The following OXR1 variants were observed in gnomAD, a reference collection of about 807,000 sequenced individuals.
OXR1 encodes the protein oxidation resistance 1.
OXR1 carries 41 observed loss-of-function variants against 104.6 expected under a neutral mutation model. That is an observed-to-expected ratio of 0.39 (90% CI 0.31 to 0.51). OXR1 has a LOEUF of 0.51. Among genes scored for constraint, OXR1 ranks in the 20% least tolerant of loss-of-function variants. OXR1 has a pLI of 0.77. For synonymous variants in OXR1, 348 were observed against 348.4 expected, an observed-to-expected ratio of 1.00 and a Z score of 0.01; for missense variants, 955 against 1,031.9, an observed-to-expected ratio of 0.93 and a Z score of 1.02.
chr8:106,408,455 G>T (rs1250995243), intron 2 of OXR1, among the ~76,000 whole-genome samples: 1 of 152,016 alleles, frequency 6.6e-6, no homozygotes, highest in African/African-American at 2.4e-5. Context: ...ACTTTGTAAG[G>T]ATTTAGATGC....
intron 11 of OXR1, among the ~76,000 whole-genome samples, chr8:106,714,980 G>A (rs1053583819): frequency 3.9e-5 from 6 of 151,960 alleles, no homozygotes; most frequent in African/African-American, 1.5e-4. Flanking sequence ...AGAACATATC[G>A]ACCATGTATT....
intron 11 of OXR1, among the ~76,000 whole-genome samples, chr8:106,716,308 A>G (rs973840727): frequency 6.6e-6 from 1 of 152,210 alleles, no homozygotes; most frequent in African/African-American, 2.4e-5. Flanking sequence ...GCCAATCTCA[A>G]TTGAAATGAG....
intron 3 of OXR1, among the ~76,000 whole-genome samples, chr8:106,666,450 A>G (rs1826343528): frequency 6.6e-6 from 1 of 152,210 alleles, no homozygotes; most frequent in South Asian, 2.1e-4. Context: ...TGTTAAAGGA[A>G]AAATTATTTG....
intron 2 of OXR1, among the ~76,000 whole-genome samples, chr8:106,499,902 A>G (rs1811670564): frequency 6.6e-6 from 1 of 152,198 alleles, no homozygotes; most frequent in Non-Finnish European, 1.5e-5. Flanking sequence ...ATTGCAAATC[A>G]TTGCCTGAAT....
chr8:106,528,652 C>A (rs1353230052), intron 3 of OXR1, among the ~76,000 whole-genome samples: 1 of 152,128 alleles, frequency 6.6e-6, no homozygotes, highest in African/African-American at 2.4e-5. Context: ...ATAACTTGTA[C>A]GCCTCTCATT....
chr8:106,461,509 G>A (rs1820917412), intron 2 of OXR1, among the ~76,000 whole-genome samples: 1 of 152,104 alleles, frequency 6.6e-6, no homozygotes, highest in Non-Finnish European at 1.5e-5. Flanking sequence ...AGGTTACAGT[G>A]AGCAGAGATC....
chr8:106,747,477 A>G lies in OXR1; in HGVS notation c.2486+1615A>G, dbSNP rs533445046. On this transcript the variant is annotated intron_variant, in intron 16 of 16. Transcript: ENST00000517566. ...AGTATCATTGGCTGCATGAGCTATAAGACATTAATTAAAGATTTAGAAGAC... is the reference window on the plus strand; with the variant it reads ...AGTATCATTGGCTGCATGAGCTATAGGACATTAATTAAAGATTTAGAAGAC... Among the ~76,000 whole-genome samples, 27 of 152,320 alleles carry G rather than the reference A, an allele frequency of 1.8e-4. No individual in the cohort carries two copies. The East Asian group carries it at 5.2e-3, about 29-fold the overall frequency.
chr8:106,346,963 A>C (rs1815512050), intron 1 of OXR1, among the ~76,000 whole-genome samples: 2 of 152,250 alleles, frequency 1.3e-5, no homozygotes, highest in Non-Finnish European at 2.9e-5. Context: ...GAATGGCGTG[A>C]ACCCAGGAGG....
chr8:106,369,566 AT>A (rs1198019926), intron 2 of OXR1, among the ~76,000 whole-genome samples: 3 of 152,170 alleles, frequency 2.0e-5, no homozygotes, highest in South Asian at 2.1e-4. Context: ...TCTTGAGTTA[AT>A]TTTTTTATAA....
chr8:106,710,746 G>C lies in OXR1; in HGVS notation c.1749G>C (p.Gln583His). The change falls in exon 10 of 17, where the codon CAG becomes CAC. Residue 583 changes from glutamine to histidine, a missense_variant. Coordinates refer to ENST00000517566, the MANE Select transcript of OXR1 (RefSeq NM_001198533.2). ...GTGCTACAATGCAACAGTATGCACA[G>C]AGAGATAAGAAACATGAATATTGGT... is the stretch of plus-strand genomic sequence containing the variant. ...QASATMQQYAQRDKKHEYWFA... is the reference protein window; with the variant it reads ...QASATMQQYAHRDKKHEYWFA... 4 of 1,569,172 alleles carry C rather than the reference G, an allele frequency of 2.5e-6. No individual in the cohort carries two copies. Among genetic ancestry groups the C allele is most frequent in the South Asian group, 1.2e-5 (1 of 83,298 alleles).
intron 3 of OXR1, among the ~76,000 whole-genome samples, chr8:106,535,049 G>A (rs1299598426): frequency 2.0e-5 from 3 of 151,954 alleles, no homozygotes; most frequent in Non-Finnish European, 2.9e-5. Context: ...TGCAAGCTCC[G>A]CCTCCCGGGT....
At chr8:106,630,403 A>G (rs932983530) in intron 3 of OXR1, among the ~76,000 whole-genome samples, 2 of 152,222 alleles carry the variant, frequency 1.3e-5, no homozygotes, top group Non-Finnish European at 2.9e-5. Flanking sequence ...GGAATGGTAA[A>G]GGTCATGCGT....
At chr8:106,417,589 A>G (rs952838306) in intron 2 of OXR1, among the ~76,000 whole-genome samples, 3 of 152,174 alleles carry the variant, frequency 2.0e-5, no homozygotes, top group Non-Finnish European at 4.4e-5. Context: ...CTATAATAAC[A>G]TAATGCATAC....
intron 2 of OXR1, among the ~76,000 whole-genome samples, chr8:106,399,789 C>G (rs1040583055): frequency 2.0e-5 from 3 of 152,146 alleles, no homozygotes; most frequent in Non-Finnish European, 4.4e-5. Context: ...CAAGGCCACA[C>G]AGCTAATTAG....
In OXR1 at chr8:106,716,396, G is replaced by A. The variant is rs1354521539; in HGVS notation, c.1956+2411G>A. ...TCCCAGCACTTTGGGAGGCCGAGGCGGGTGGATCATGAGGTCAGGAGATCG... is the reference window on the plus strand; with the variant it reads ...TCCCAGCACTTTGGGAGGCCGAGGCAGGTGGATCATGAGGTCAGGAGATCG... On this transcript the variant is annotated intron_variant, in intron 11 of 16. Coordinates refer to ENST00000517566, the MANE Select transcript of OXR1 (RefSeq NM_001198533.2). 2.3e-3 allele frequency among the ~76,000 whole-genome samples: 62 copies of A among 26,608 alleles called. 19 individuals carry two copies. Among genetic ancestry groups the A allele is most frequent in the African/African-American group, 0.017 (57 of 3,308 alleles). 17.5% of individuals were successfully genotyped at this position (26,608 alleles called of 152,430 possible).
intron 3 of OXR1, among the ~76,000 whole-genome samples, chr8:106,609,656 A>G: frequency 6.6e-6 from 1 of 152,206 alleles, no homozygotes; most frequent in East Asian, 1.9e-4. Context: ...AATGCAGATG[A>G]CAGATTACAG....
At position 106,618,667 on chromosome 8, in the gene OXR1, G is replaced by A. The variant is rs578019940; in HGVS notation, c.221-60543G>A. On this transcript the variant is annotated intron_variant, in intron 3 of 16. Transcript: ENST00000517566. ...TTCACTCAAAAATTGTCCCTAACTC[G>A]GGTAATGGCAGTGATCAAGTCACAT... Among the ~76,000 whole-genome samples, 3 of 152,202 alleles carry A rather than the reference G, an allele frequency of 2.0e-5. No individual in the cohort carries two copies. The South Asian group carries it at 6.2e-4, about 32-fold the overall frequency.
At chr8:106,443,231 C>A (rs1479850341) in intron 2 of OXR1, among the ~76,000 whole-genome samples, 2 of 152,102 alleles carry the variant, frequency 1.3e-5, no homozygotes, top group Non-Finnish European at 2.9e-5. Context: ...GTTTCTTAAT[C>A]CTGAGTTCTA....
At chr8:106,276,563 T>G (rs1000230295) in intron 1 of OXR1, among the ~76,000 whole-genome samples, 1 of 152,226 alleles carries the variant, frequency 6.6e-6, no homozygotes, top group Non-Finnish European at 1.5e-5. Context: ...GTGATTTGCC[T>G]GAGGTCAGTA....
Sources: allele counts gnomAD v4.1 joint callset (sites outside exome capture counted in the v4.1 genomes callset), GRCh38; gene constraint gnomAD v4.1.1; transcripts MANE v1.5; gene names NCBI Gene and HGNC (gene_info 2026-07-23, HGNC 2026-07-21).